The following SPOCK1 variants were observed in gnomAD, a reference collection of about 807,000 sequenced individuals.
The protein encoded by SPOCK1 is SPARC (osteonectin), cwcv and kazal like domains proteoglycan 1, also known as testican-1.
Under a neutral mutation model 55.3 loss-of-function variants are expected in SPOCK1, and 23 were observed. That is an observed-to-expected ratio of 0.42 (90% confidence interval 0.30 to 0.59). SPOCK1 has a LOEUF of 0.59. SPOCK1 is among the 20% of genes least tolerant of loss of function. The pLI is 0.22. For synonymous variants in SPOCK1, 226 were observed against 221.0 expected (o/e 1.02, Z -0.20); for missense variants, 499 against 552.5 (o/e 0.90, Z 0.97).
At chr5:137,070,192 C>T (rs185975973) in intron 5 of SPOCK1, among the ~76,000 whole-genome samples, 128 of 152,340 alleles carry the variant, frequency 8.4e-4, no homozygotes, top group African/African-American at 2.9e-3. Context: ...GGGCTGTTCC[C>T]TTCTGCCCAG....
At position 136,977,507 on chromosome 5, in the gene SPOCK1, A is replaced by G. The variant is rs565158768; in HGVS notation, c.*1147T>C. On this transcript the variant is annotated 3_prime_UTR_variant, in exon 11 of 11. Coordinates refer to ENST00000394945, the MANE Select transcript of SPOCK1 (RefSeq NM_004598.4). ...AGTAAAAGCAAAACATTGAGTTCAG[A>G]ATTAGAAATTTTCTTCTTTTAAGGA... is the stretch of plus-strand genomic sequence containing the variant. 3 of 294,698 alleles carry G rather than the reference A, an allele frequency of 1.0e-5. No homozygotes were observed. Among genetic ancestry groups the G allele is most frequent in the East Asian group, 1.1e-4 (2 of 18,504 alleles). 18.3% of individuals were successfully genotyped at this position (294,698 alleles called of 1,614,324 possible).
At chr5:137,439,550 A>C (rs1369713737) in intron 2 of SPOCK1, among the ~76,000 whole-genome samples, 1 of 152,196 alleles carries the variant, frequency 6.6e-6, no homozygotes, top group Non-Finnish European at 1.5e-5. Flanking sequence ...TTCCTCTGCC[A>C]CTCTGCACAA....
intron 5 of SPOCK1, among the ~76,000 whole-genome samples, chr5:137,086,783 C>T (rs777525099): frequency 1.8e-4 from 28 of 152,136 alleles, no homozygotes; most frequent in Non-Finnish European, 2.2e-4. Context: ...GGGCATGTTT[C>T]GAGTTAATAA....
chr5:137,095,351 C>A (rs944613217), intron 5 of SPOCK1, among the ~76,000 whole-genome samples: 1 of 149,466 alleles, frequency 6.7e-6, no homozygotes. Flanking sequence ...GTAAAAAAAA[C>A]CTTAGTATCT....
chr5:137,222,942 C>T (rs1365158942), intron 3 of SPOCK1, among the ~76,000 whole-genome samples: 2 of 151,362 alleles, frequency 1.3e-5, no homozygotes, highest in East Asian at 3.9e-4. Context: ...CTTTAAATTT[C>T]AGAAAGGGGA....
At chr5:137,379,500 C>T (rs1435077142) in intron 2 of SPOCK1, among the ~76,000 whole-genome samples, 3 of 151,816 alleles carry the variant, frequency 2.0e-5, no homozygotes, top group Non-Finnish European at 4.4e-5. Flanking sequence ...AAAGATACTG[C>T]TCAAGTAACA....
At chr5:137,447,187 T>C (rs1001150818) in intron 2 of SPOCK1, among the ~76,000 whole-genome samples, 4 of 152,220 alleles carry the variant, frequency 2.6e-5, no homozygotes, top group African/African-American at 9.6e-5. Flanking sequence ...GAACAACAGG[T>C]CAGCCTAATG....
In SPOCK1 at chr5:136,978,537, G is replaced by T. The variant is rs1255657038; in HGVS notation, c.*117C>A. ...AGTTGTCTTCCAAACCTTAGGTCGG[G>T]TATAGAGAGCAACAATGGAGAAGAG... On this transcript the variant is annotated 3_prime_UTR_variant, in exon 11 of 11. Coordinates refer to ENST00000394945, the MANE Select transcript of SPOCK1 (RefSeq NM_004598.4). The T allele has an allele frequency of 3.5e-6, 4 of 1,131,238 alleles. No individual in the cohort carries two copies. The highest frequency in any genetic ancestry group is 2.5e-5 in the East Asian group (1 of 40,424). 70.1% of individuals were successfully genotyped at this position (1,131,238 alleles called of 1,614,324 possible).
At chr5:137,136,077 T>C (rs1054944477) in intron 4 of SPOCK1, among the ~76,000 whole-genome samples, 80 of 152,360 alleles carry the variant, frequency 5.3e-4, no homozygotes, top group African/African-American at 1.9e-3. Flanking sequence ...AAAAGTGCCT[T>C]TAGAAGACCA....
intron 4 of SPOCK1, among the ~76,000 whole-genome samples, chr5:137,139,465 C>G (rs1006042448): frequency 2.6e-5 from 4 of 151,954 alleles, no homozygotes; most frequent in African/African-American, 9.7e-5. Flanking sequence ...GCCAAGGGGA[C>G]CAGCATTGCT....
chr5:137,147,355 C>T (rs1021232627), intron 3 of SPOCK1, among the ~76,000 whole-genome samples: 2 of 152,174 alleles, frequency 1.3e-5, no homozygotes, highest in African/African-American at 4.8e-5. Flanking sequence ...AAAATTATAA[C>T]ACTTTGAATG....
intron 3 of SPOCK1, among the ~76,000 whole-genome samples, chr5:137,213,250 T>C (rs1755651661): frequency 6.6e-6 from 1 of 152,096 alleles, no homozygotes; most frequent in Non-Finnish European, 1.5e-5. Context: ...ACTATCCCCA[T>C]TTACTCAGGA....
At position 136,992,535 on chromosome 5, in the gene SPOCK1, C is replaced by G. The variant is rs760058043; in HGVS notation, c.655G>C (p.Glu219Gln). ...RLKDWFGALH[E>Q]DANRVIKPTS... ...GGCTTGATGACTCTGTTCGCATCCT[C>G]GTGGAGAGCTCCAAACCAATCCTTC... The change falls in exon 7 of 11, where the codon GAG (glutamate) becomes CAG (glutamine). Residue 219 changes from glutamate (E) to glutamine (Q), a missense_variant. Physicochemically the swap from Glu to Gln is conservative, Grantham distance 29. Coordinates refer to ENST00000394945, the MANE Select transcript of SPOCK1 (RefSeq NM_004598.4). 3.1e-6 allele frequency: 5 copies of G among 1,613,914 alleles called. No homozygotes were observed. The highest frequency in any genetic ancestry group is 2.2e-5 in the South Asian group (2 of 91,058).
At chr5:137,132,112 T>G (rs1447298869) in intron 4 of SPOCK1, among the ~76,000 whole-genome samples, 3 of 131,014 alleles carry the variant, frequency 2.3e-5, no homozygotes, top group African/African-American at 6.1e-5. Flanking sequence ...GAGGTGGAGC[T>G]CGCAGTGAGC....
intron 3 of SPOCK1, among the ~76,000 whole-genome samples, chr5:137,226,401 T>C (rs1379180538): frequency 6.6e-6 from 1 of 152,240 alleles, no homozygotes; most frequent in African/African-American, 2.4e-5. Context: ...TGAAGCATCA[T>C]GCTGCAAAGG....
At chr5:136,981,445 C>CT (rs1269132630) in intron 9 of SPOCK1, among the ~76,000 whole-genome samples, 2 of 151,908 alleles carry the variant, frequency 1.3e-5, no homozygotes, top group African/African-American at 4.8e-5. Context: ...TATTTTGATC[C>CT]TTTTTTATAA....
chr5:137,345,687 T>C (rs1341796485), intron 2 of SPOCK1, among the ~76,000 whole-genome samples: 3 of 152,188 alleles, frequency 2.0e-5, no homozygotes, highest in African/African-American at 7.2e-5. Flanking sequence ...TCCAGACCAA[T>C]CACTCTCTCT....
chr5:137,115,417 A>T (rs1447765115), intron 4 of SPOCK1, among the ~76,000 whole-genome samples: 1 of 152,058 alleles, frequency 6.6e-6, no homozygotes, highest in Non-Finnish European at 1.5e-5. Context: ...GGAAACCAGC[A>T]TCAATCTGGG....
chr5:137,083,394 T>G (rs1024648977), intron 5 of SPOCK1, among the ~76,000 whole-genome samples: 2 of 152,110 alleles, frequency 1.3e-5, no homozygotes, highest in African/African-American at 4.8e-5. Context: ...CCTTACAAGC[T>G]CTGAGGAACT....
Sources: allele counts gnomAD v4.1 joint callset (sites outside exome capture counted in the v4.1 genomes callset), GRCh38; gene constraint gnomAD v4.1.1; transcripts MANE v1.5; gene names NCBI Gene and HGNC (gene_info 2026-07-23, HGNC 2026-07-21).